The following VWA5B1 variants were observed in gnomAD, a reference collection of about 807,000 sequenced individuals.
VWA5B1 encodes the protein von Willebrand factor A domain containing 5B1.
Under a neutral mutation model 118.2 loss-of-function variants are expected in VWA5B1, and 115 were observed. The observed-to-expected ratio is 0.97, with a 90% CI of 0.84 to 1.14. VWA5B1 has a LOEUF of 1.14. VWA5B1 is among the 50% of genes most tolerant of loss of function. VWA5B1 has a pLI of 0.00. For synonymous variants in VWA5B1, 682 were observed against 658.4 expected, an observed-to-expected ratio of 1.04 and a Z score of -0.55; for missense variants, 1,596 against 1,603.8, an observed-to-expected ratio of 1.00 and a Z score of 0.08.
At chr1:20,339,728 G>T (rs1457622202) in intron 14 of VWA5B1, among the ~76,000 whole-genome samples, 1 of 151,456 alleles carries the variant, frequency 6.6e-6, no homozygotes, top group African/African-American at 2.4e-5. Flanking sequence ...TAGGGACACT[G>T]CAATCTTATC....
Position 20,354,094 on chromosome 1 carries a change from G to C in VWA5B1, c.3479G>C (p.Trp1160Ser). 2 of 1,551,466 alleles carry C rather than the reference G, an allele frequency of 1.3e-6. No homozygotes were observed. Among genetic ancestry groups the C allele is most frequent in the Non-Finnish European group, 1.7e-6 (2 of 1,146,996 alleles). The change falls in exon 22 of 22, where the codon TGG becomes TCG. Residue 1160 changes from tryptophan to serine, a missense_variant. Coordinates refer to ENST00000289815, the MANE Select transcript of VWA5B1 (RefSeq NM_001039500.3). ...AGTTCGGCCTCCTACTTCACTGAGT[G>C]GGAGTTGGTGGCTGCCAAGGCCAAC... ...EHSSASYFTE[W>S]ELVAAKANSW...
At position 20,353,943 on chromosome 1, in the gene VWA5B1, C is replaced by A. The variant is rs1454346947; in HGVS notation, c.3328C>A (p.Pro1110Thr). 1 of 1,551,260 alleles carries A rather than the reference C, an allele frequency of 6.4e-7. No homozygotes were observed. Among genetic ancestry groups the A allele is most frequent in the South Asian group, 1.2e-5 (1 of 84,002 alleles). Residue 1110 changes from proline (P) to threonine (T), a missense_variant, in exon 22 of 22, where the codon CCG becomes ACG. Pro to Thr is a conservative substitution (Grantham distance 38). Coordinates refer to ENST00000289815, the MANE Select transcript of VWA5B1 (RefSeq NM_001039500.3). ...QLCTSSPPRH[P>T]SCDSFSLEPL... Reference sequence around the variant, plus strand: ...GTGCACCAGCTCCCCGCCTAGGCACCCGTCCTGTGACAGCTTCTCCCTGGA... The same window carrying A: ...GTGCACCAGCTCCCCGCCTAGGCACACGTCCTGTGACAGCTTCTCCCTGGA...
rs2088823650 is a variant in VWA5B1, at chr1:20,310,733, C to G, written c.132C>G (p.Pro44=). Residue 44 remains proline (P), a synonymous_variant, in exon 2 of 22, where the codon CCC becomes CCG. Transcript: ENST00000289815. ...SLTYGNLEAQ[P]FQGLFVYPLD... ...CCTATGGCAACCTGGAAGCCCAGCC[C>G]TTCCAGGGTAAGGACACCTGCTGGG... The G allele has an allele frequency of 1.3e-6, 2 of 1,546,932 alleles. No individual in the cohort carries two copies. The highest frequency in any genetic ancestry group is 1.7e-6 in the Non-Finnish European group (2 of 1,145,158).
At chr1:20,334,095 C>G (rs573969944) in intron 12 of VWA5B1, among the ~76,000 whole-genome samples, 23 of 152,228 alleles carry the variant, frequency 1.5e-4, no homozygotes, top group Non-Finnish European at 2.5e-4. Context: ...AAAGTGCCAT[C>G]ATGCAGAAAT....
chr1:20,353,609 G>A (rs2090171465), intron 21 of VWA5B1, 148 bp from the exon 22 acceptor site: 1 of 1,031,728 alleles, frequency 9.7e-7, no homozygotes, highest in Non-Finnish European at 1.3e-6. Flanking sequence ...CAGGATAAAG[G>A]ATAGAGATGC....
In VWA5B1 at chr1:20,354,381, A is replaced by G; in HGVS notation, c.*118A>G. 1 of 1,310,656 alleles carries G rather than the reference A, an allele frequency of 7.6e-7. No homozygotes were observed. Among genetic ancestry groups the G allele is most frequent in the South Asian group, 1.5e-5 (1 of 65,144 alleles). 81.2% of individuals were successfully genotyped at this position (1,310,656 alleles called of 1,614,324 possible). On this transcript the variant is annotated 3_prime_UTR_variant, in exon 22 of 22. Coordinates refer to ENST00000289815, the MANE Select transcript of VWA5B1 (RefSeq NM_001039500.3). ...GTAACTAATATTTCAGTTACTAGAAAGAGCCCTGGACTGGCAGCCAGGAGG... is the reference window on the plus strand; with the variant it reads ...GTAACTAATATTTCAGTTACTAGAAGGAGCCCTGGACTGGCAGCCAGGAGG...
rs1031794854 is a variant in VWA5B1, at chr1:20,358,700, G to A, written c.*4437G>A. On this transcript the variant is annotated 3_prime_UTR_variant, in exon 22 of 22. Transcript: ENST00000289815. Reference sequence around the variant, plus strand: ...AAGGGTACTGCCGCCCCATGAATGGGGCATGTGCTCATTGCCTTGGCATCT... The same window carrying A: ...AAGGGTACTGCCGCCCCATGAATGGAGCATGTGCTCATTGCCTTGGCATCT... Among the ~76,000 whole-genome samples the A allele has an allele frequency of 6.6e-6, 1 of 152,200 alleles. No homozygotes were observed. The highest frequency in any genetic ancestry group is 2.4e-5 in the African/African-American group (1 of 41,448).
chr1:20,313,896 G>A (rs1216568874), intron 3 of VWA5B1, among the ~76,000 whole-genome samples: 1 of 152,176 alleles, frequency 6.6e-6, no homozygotes, highest in Non-Finnish European at 1.5e-5. Flanking sequence ...CAGGGACCAA[G>A]GAGGTGTTCA....
intron 16 of VWA5B1, among the ~76,000 whole-genome samples, chr1:20,344,972 G>A (rs1009736363): frequency 2.6e-5 from 4 of 152,120 alleles, no homozygotes; most frequent in Non-Finnish European, 5.9e-5. Context: ...TCTCAGATCC[G>A]TTCCTAACTT....
At chr1:20,311,854 G>A (rs2088859037) in intron 2 of VWA5B1, among the ~76,000 whole-genome samples, 1 of 152,166 alleles carries the variant, frequency 6.6e-6, no homozygotes, top group South Asian at 2.1e-4. Context: ...CCTGGGCAGG[G>A]CAAATGGCCC....
intron 1 of VWA5B1, among the ~76,000 whole-genome samples, chr1:20,303,859 C>A (rs564424507): frequency 1.3e-5 from 2 of 152,358 alleles, no homozygotes; most frequent in Non-Finnish European, 2.9e-5. Flanking sequence ...GCAATCTCTT[C>A]CCTCCTGTGC....
rs2089762449 is a variant in VWA5B1 at position 20,337,811 on chromosome 1, T to A, written c.2108T>A (p.Val703Asp). The A allele has an allele frequency of 1.9e-6, 3 of 1,551,792 alleles. No homozygotes were observed. The highest frequency in any genetic ancestry group is 2.6e-6 in the Non-Finnish European group (3 of 1,147,008). Residue 703 changes from valine (V) to aspartate (D), a missense_variant, in exon 14 of 22, where the codon GTC (valine) becomes GAC (aspartate). Coordinates refer to ENST00000289815, the MANE Select transcript of VWA5B1 (RefSeq NM_001039500.3). ...CTCACCAACCAGACCAGCCTGGATG[T>A]CCAGCGGTGGCAGATTGATTTGCAG... ...QDLTNQTSLDVQRWQIDLQPL... is the reference protein window; with the variant it reads ...QDLTNQTSLDDQRWQIDLQPL...
At chr1:20,338,697 T>A (rs544730902) in intron 14 of VWA5B1, 1 of 152,436 alleles carries the variant, frequency 6.6e-6, no homozygotes, top group African/African-American at 2.4e-5. Context: ...GCCCGGCTAA[T>A]TTTTGTATTT....
Position 20,345,557 on chromosome 1 carries a change from C to A in VWA5B1, c.2728C>A (p.Arg910=), listed in dbSNP as rs1384541082. Reference sequence around the variant, plus strand: ...CGTGCCTGTGGACGTGAGCAAGAGCCGGTACCTGCCCACCGTGGTGGAGTA... The same window carrying A: ...CGTGCCTGTGGACGTGAGCAAGAGCAGGTACCTGCCCACCGTGGTGGAGTA... The part of the protein sequence containing the change: ...AFVPVDVSKS[R]YLPTVVEYPN... Residue 910 remains arginine, a synonymous_variant, in exon 17 of 22, where the codon CGG becomes AGG. Transcript: ENST00000289815. 1.9e-6 allele frequency: 3 copies of A among 1,550,732 alleles called. No homozygotes were observed. In the African/African-American group the frequency reaches 4.1e-5, roughly 21 times the overall value.
At chr1:20,308,651 G>A (rs1364466599) in intron 1 of VWA5B1, among the ~76,000 whole-genome samples, 1 of 152,192 alleles carries the variant, frequency 6.6e-6, no homozygotes, top group East Asian at 1.9e-4. Context: ...TGGGGAGACA[G>A]CAGCTCCCTC....
chr1:20,342,372 C>G, intron 14 of VWA5B1, 60 bp from the exon 15 acceptor site: 1 of 972,476 alleles, frequency 1.0e-6, no homozygotes, highest in Non-Finnish European at 1.4e-6. Context: ...CCTCCTCCTT[C>G]TCCTCCTCCT....
intron 8 of VWA5B1, among the ~76,000 whole-genome samples, chr1:20,326,702 A>G (rs1307723623): frequency 6.6e-6 from 1 of 151,548 alleles, no homozygotes; most frequent in African/African-American, 2.4e-5. Context: ...GCCTGCCTCC[A>G]CCTCCCAAAG....
chr1:20,325,505 G>T lies in VWA5B1; in HGVS notation c.1143+1973G>T, dbSNP rs111755121. The stretch of plus-strand genomic sequence containing the variant: ...GACATTTTTTTTCCTGCTGAGCCTG[G>T]ACTCAGTCTATATCCTTCTCATCCA... On this transcript the variant is annotated intron_variant, in intron 8 of 21. Coordinates refer to ENST00000289815, the MANE Select transcript of VWA5B1 (RefSeq NM_001039500.3). Among the ~76,000 whole-genome samples the T allele has an allele frequency of 8.1e-4, 124 of 152,268 alleles. 1 individual carries two copies. The highest frequency in any genetic ancestry group is 2.8e-3 in the African/African-American group (118 of 41,558).
At chr1:20,342,936 T>A (rs993381549) in intron 15 of VWA5B1, 143 bp from the exon 16 acceptor site, 1 of 1,391,260 alleles carries the variant, frequency 7.2e-7, no homozygotes. Context: ...AGGAAAGCAG[T>A]TGGAGTTGCC....
Sources: gnomAD v4.1 joint callset for allele counts (sites outside exome capture counted in the v4.1 genomes callset) on GRCh38, gnomAD v4.1.1 for gene constraint, MANE v1.5 for transcripts, NCBI Gene and HGNC (gene_info 2026-07-23, HGNC 2026-07-21) for gene names.